The following NRG3 variants were observed in gnomAD, a reference collection of about 807,000 sequenced individuals.
The protein encoded by NRG3 is neuregulin 3, also known as pro-neuregulin-3, membrane-bound isoform.
In NRG3, 31 loss-of-function variants were observed where a neutral mutation model predicts 66.9. The observed-to-expected ratio is 0.46, with a 90% CI of 0.35 to 0.63. The LOEUF (loss-of-function observed/expected upper bound fraction) is 0.63. Ranked by LOEUF, NRG3 falls within the 20% of genes least tolerant of loss-of-function variation. The pLI is 0.00. For synonymous variants in NRG3, 393 were observed against 359.4 expected (o/e 1.09, Z -1.06); for missense variants, 910 against 878.9 (o/e 1.04, Z -0.45).
intron 1 of NRG3, among the ~76,000 whole-genome samples, chr10:82,037,839 G>T (rs1466011771): frequency 2.0e-5 from 3 of 151,952 alleles, no homozygotes; most frequent in Non-Finnish European, 4.4e-5. Flanking sequence ...GGCAAACTGG[G>T]GACATAGTGT....
intron 1 of NRG3, among the ~76,000 whole-genome samples, chr10:82,282,694 A>T (rs572295910): frequency 1.3e-5 from 2 of 152,018 alleles, no homozygotes; most frequent in South Asian, 4.1e-4. Context: ...CGACAAAGGT[A>T]TGTATGCATC....
chr10:82,616,943 A>G lies in NRG3; in HGVS notation c.954-121634A>G, dbSNP rs180958086. Among the ~76,000 whole-genome samples, 7 of 152,342 alleles carry G rather than the reference A, an allele frequency of 4.6e-5. No homozygotes were observed. In the East Asian group the frequency reaches 1.3e-3, roughly 29 times the overall value. On this transcript the variant is annotated intron_variant, in intron 2 of 8. Transcript: ENST00000372141. Reference sequence around the variant, plus strand: ...AATTATTTTTACTTTGTATATGGAAAAAAGGAAACCCTGAGATGCTAAGTA... The same window carrying G: ...AATTATTTTTACTTTGTATATGGAAGAAAGGAAACCCTGAGATGCTAAGTA...
intron 1 of NRG3, among the ~76,000 whole-genome samples, chr10:82,037,576 C>T (rs1362631685): frequency 1.3e-5 from 2 of 152,008 alleles, no homozygotes; most frequent in African/African-American, 2.4e-5. Context: ...CGATTTTTTT[C>T]TAATAAACTC....
chr10:82,726,241 A>C (rs1273901817), intron 2 of NRG3, among the ~76,000 whole-genome samples: 1 of 152,192 alleles, frequency 6.6e-6, no homozygotes, highest in Non-Finnish European at 1.5e-5. Context: ...CAGTAACTTT[A>C]GGATGTCTTA....
At chr10:82,023,297 T>G (rs997113003) in intron 1 of NRG3, among the ~76,000 whole-genome samples, 18 of 152,062 alleles carry the variant, frequency 1.2e-4, no homozygotes, top group Admixed American at 7.9e-4. Context: ...TAATATCATG[T>G]GTGAACAAGG....
chr10:82,785,006 C>A (rs1371282829), intron 3 of NRG3, among the ~76,000 whole-genome samples: 1 of 152,054 alleles, frequency 6.6e-6, no homozygotes, highest in Non-Finnish European at 1.5e-5. Context: ...ACATATACAC[C>A]ATGGAATACT....
At chr10:82,704,632 T>C (rs1348660876) in intron 2 of NRG3, among the ~76,000 whole-genome samples, 1 of 152,208 alleles carries the variant, frequency 6.6e-6, no homozygotes, top group Non-Finnish European at 1.5e-5. Flanking sequence ...GTATTATTTA[T>C]GCAATTCTGT....
At chr10:82,750,385 A>G (rs953790222) in intron 3 of NRG3, among the ~76,000 whole-genome samples, 2 of 152,196 alleles carry the variant, frequency 1.3e-5, no homozygotes, top group Non-Finnish European at 2.9e-5. Flanking sequence ...AAAAAATTGG[A>G]CACATGAATT....
chr10:82,340,126 G>A (rs2082604284), intron 1 of NRG3, among the ~76,000 whole-genome samples: 1 of 152,078 alleles, frequency 6.6e-6, no homozygotes, highest in Non-Finnish European at 1.5e-5. Context: ...AGAATATGGG[G>A]GTGGTGGTTG....
At chr10:82,676,138 C>A (rs2053665946) in intron 2 of NRG3, among the ~76,000 whole-genome samples, 1 of 152,074 alleles carries the variant, frequency 6.6e-6, no homozygotes, top group Admixed American at 6.5e-5. Flanking sequence ...ACGAGGCCAG[C>A]CACACTATGT....
At chr10:82,407,923 G>T (rs2087655316) in intron 2 of NRG3, among the ~76,000 whole-genome samples, 1 of 151,742 alleles carries the variant, frequency 6.6e-6, no homozygotes, top group Admixed American at 6.6e-5. Flanking sequence ...ACAAAAATTA[G>T]TCAGGCATGA....
At chr10:82,524,849 C>T (rs368514398) in intron 2 of NRG3, among the ~76,000 whole-genome samples, 2 of 151,946 alleles carry the variant, frequency 1.3e-5, no homozygotes, top group South Asian at 2.1e-4. Context: ...CTGGGACCCT[C>T]CTATGGTACT....
At chr10:82,894,952 G>A (rs192561040) in intron 4 of NRG3, among the ~76,000 whole-genome samples, 53 of 152,164 alleles carry the variant, frequency 3.5e-4, no homozygotes, top group Admixed American at 2.3e-3. Flanking sequence ...GTGTCCATGC[G>A]TTCTTTGTTC....
intron 4 of NRG3, among the ~76,000 whole-genome samples, chr10:82,931,472 G>T (rs1054829153): frequency 4.2e-4 from 64 of 152,068 alleles, no homozygotes; most frequent in African/African-American, 1.5e-3. Flanking sequence ...CCTCAGAAAA[G>T]AGCACAAAGA....
chr10:82,917,970 G>GTATATATATA (rs1171736937), intron 4 of NRG3, among the ~76,000 whole-genome samples: 4 of 114,008 alleles, frequency 3.5e-5, no homozygotes, highest in African/African-American at 1.5e-4. Flanking sequence ...GTGTGTGTGT[G>GTATATATATA]TATATATATA....
At chr10:82,227,620 G>A (rs1197947702) in intron 1 of NRG3, among the ~76,000 whole-genome samples, 1 of 152,000 alleles carries the variant, frequency 6.6e-6, no homozygotes. Context: ...AACAATAAAT[G>A]GTGTTGACAA....
chr10:82,964,378 G>T (rs1457057992), intron 6 of NRG3, among the ~76,000 whole-genome samples: 1 of 152,180 alleles, frequency 6.6e-6, no homozygotes, highest in Admixed American at 6.5e-5. Context: ...CTCTAAAAAG[G>T]TGCAGTTAAC....
intron 2 of NRG3, among the ~76,000 whole-genome samples, chr10:82,465,246 A>T (rs1023276566): frequency 6.6e-6 from 1 of 152,172 alleles, no homozygotes; most frequent in African/African-American, 2.4e-5. Flanking sequence ...CATTTGCAAG[A>T]GATTTCTGGT....
intron 2 of NRG3, among the ~76,000 whole-genome samples, chr10:82,374,619 AG>A (rs2085092901): frequency 6.6e-6 from 1 of 152,194 alleles, no homozygotes; most frequent in African/African-American, 2.4e-5. Flanking sequence ...ATTACGGTAC[AG>A]TGGTAGGTCT....
Sources: allele counts gnomAD v4.1 joint callset (sites outside exome capture counted in the v4.1 genomes callset), GRCh38; gene constraint gnomAD v4.1.1; transcripts MANE v1.5; gene names NCBI Gene and HGNC (gene_info 2026-07-23, HGNC 2026-07-21).